VWA3B: variants seen among roughly 807,000 people sequenced by gnomAD.
VWA3B encodes the protein von Willebrand factor A domain containing 3B.
Under a neutral mutation model 158.3 loss-of-function variants are expected in VWA3B, and 138 were observed. That is an observed-to-expected ratio of 0.87 (90% confidence interval 0.76 to 1.00). The LOEUF is 1.00. Ranked by LOEUF, VWA3B falls within the 50% of genes least tolerant of loss-of-function variation. The probability of loss-of-function intolerance (pLI) is 0.00; values close to 1 mark genes in which losing one functional copy is unlikely to be tolerated. For missense variants in VWA3B, 1,555 were observed against 1,565.1 expected (o/e 0.99, Z 0.11); for synonymous variants, 596 against 587.3 (o/e 1.01, Z -0.21).
rs765546787 is a variant in VWA3B, at chr2:98,236,496, C to A, written c.2516+19C>A. 38 of 1,614,020 alleles carry A rather than the reference C, an allele frequency of 2.4e-5. No homozygotes were observed. The highest frequency in any genetic ancestry group is 3.1e-5 in the Non-Finnish European group (36 of 1,180,002). On this transcript the variant is annotated intron_variant, in intron 18 of 27. Coordinates refer to ENST00000477737, the MANE Select transcript of VWA3B (RefSeq NM_144992.5). ...ACCACGAGTGAGTTCTTTAATTTGA[C>A]AAAGACAGTTCTGTTATGCTTCTGT... is the stretch of plus-strand genomic sequence containing the variant.
chr2:98,230,992 A>G (rs763428726), intron 16 of VWA3B, among the ~76,000 whole-genome samples: 2 of 152,218 alleles, frequency 1.3e-5, no homozygotes, highest in Non-Finnish European at 2.9e-5. Context: ...ATTTTGATAT[A>G]CTAACAGTGA....
chr2:98,109,923 T>C (rs1417420396), intron 2 of VWA3B, among the ~76,000 whole-genome samples: 1 of 152,028 alleles, frequency 6.6e-6, no homozygotes, highest in African/African-American at 2.4e-5. Flanking sequence ...ATTTTTTTAT[T>C]TGTCTTTTGT....
In VWA3B at chr2:98,192,836, G is replaced by A. The variant is rs1574040917; in HGVS notation, c.1467-62G>A. On this transcript the variant is annotated intron_variant, in intron 10 of 27. Transcript: ENST00000477737. ...TCTGCAGATGCATCGTTAAGTTCTTGGGAAGATGCTCTTGTTGCCTGCAGG... is the reference window on the plus strand; with the variant it reads ...TCTGCAGATGCATCGTTAAGTTCTTAGGAAGATGCTCTTGTTGCCTGCAGG... 8 of 1,610,032 alleles carry A rather than the reference G, an allele frequency of 5.0e-6. No individual in the cohort carries two copies. In the East Asian group the frequency reaches 1.8e-4, roughly 36 times the overall value.
intron 12 of VWA3B, among the ~76,000 whole-genome samples, chr2:98,201,945 C>T (rs1682579173): frequency 6.6e-6 from 1 of 152,014 alleles, no homozygotes; most frequent in Non-Finnish European, 1.5e-5. Flanking sequence ...GTTTTTTTGT[C>T]TATATTCATG....
chr2:98,193,176 C>T, intron 11 of VWA3B, 140 bp downstream of exon 11: 1 of 1,143,000 alleles, frequency 8.7e-7, no homozygotes, highest in Non-Finnish European at 1.2e-6. Flanking sequence ...GTTAAAGAAT[C>T]ATCAGTTCTC....
chr2:98,246,009 T>C (rs1367047837), intron 19 of VWA3B, among the ~76,000 whole-genome samples: 2 of 152,202 alleles, frequency 1.3e-5, no homozygotes, highest in African/African-American at 4.8e-5. Context: ...AGTAGCAAGA[T>C]TGGACTGTTC....
At chr2:98,301,029 G>A (rs567507065) in intron 25 of VWA3B, among the ~76,000 whole-genome samples, 6 of 152,262 alleles carry the variant, frequency 3.9e-5, no homozygotes, top group Admixed American at 2.6e-4. Context: ...GGTGGCTCAC[G>A]CCTGTAATCC....
chr2:98,254,348 C>T (rs72817787), intron 20 of VWA3B, among the ~76,000 whole-genome samples: 1 of 152,258 alleles, frequency 6.6e-6, no homozygotes, highest in Non-Finnish European at 1.5e-5. Flanking sequence ...ACACTGCCTC[C>T]ACTCTCTACA....
chr2:98,307,905 C>G (rs1690626845), intron 26 of VWA3B, among the ~76,000 whole-genome samples: 1 of 152,128 alleles, frequency 6.6e-6, no homozygotes, highest in African/African-American at 2.4e-5. Context: ...CTCCATCTTC[C>G]CCCCAACCTC....
chr2:98,242,868 T>C (rs1438576438), intron 19 of VWA3B, among the ~76,000 whole-genome samples: 1 of 151,666 alleles, frequency 6.6e-6, no homozygotes, highest in Admixed American at 6.6e-5. Flanking sequence ...TGTCAAGTCA[T>C]GACATTTTGT....
chr2:98,223,913 A>G lies in VWA3B; in HGVS notation c.2020-4289A>G, dbSNP rs146466386. ...GCGTGGCTAATTTTTTTATTTGTAG[A>G]GATAGGGTCACACTATGTCGCCCAG... On this transcript the variant is annotated intron_variant, in intron 14 of 27. Transcript: ENST00000477737. Among the ~76,000 whole-genome samples the G allele has an allele frequency of 3.2e-3, 486 of 152,042 alleles. 3 individuals carry two copies. Among genetic ancestry groups the G allele is most frequent in the African/African-American group, 0.011 (468 of 41,466 alleles).
At chr2:98,274,625 A>C (rs1688411056) in intron 22 of VWA3B, among the ~76,000 whole-genome samples, 1 of 152,192 alleles carries the variant, frequency 6.6e-6, no homozygotes, top group Non-Finnish European at 1.5e-5. Flanking sequence ...GAGGTACCAG[A>C]AAACGAGGTA....
intron 8 of VWA3B, among the ~76,000 whole-genome samples, chr2:98,177,667 C>A (rs917030379): frequency 6.6e-6 from 1 of 151,814 alleles, no homozygotes; most frequent in Non-Finnish European, 1.5e-5. Context: ...GTGGCTCTGG[C>A]GGCTTGCCTG....
At chr2:98,144,345 T>G (rs1451744152) in intron 7 of VWA3B, among the ~76,000 whole-genome samples, 1 of 152,086 alleles carries the variant, frequency 6.6e-6, no homozygotes, top group Non-Finnish European at 1.5e-5. Context: ...AAAAACTAAG[T>G]CTTATTATCT....
chr2:98,178,442 A>G (rs1016899635), intron 8 of VWA3B, among the ~76,000 whole-genome samples: 1 of 152,220 alleles, frequency 6.6e-6, no homozygotes, highest in African/African-American at 2.4e-5. Flanking sequence ...TTTACACATT[A>G]TACAGAAGGA....
chr2:98,207,383 A>G (rs1025652428), intron 12 of VWA3B: 3 of 480,596 alleles, frequency 6.2e-6, no homozygotes, highest in East Asian at 5.2e-5. Flanking sequence ...ATTGTTGGCA[A>G]TGAGCATAAT....
intron 21 of VWA3B, among the ~76,000 whole-genome samples, chr2:98,268,613 G>A (rs1688005608): frequency 1.3e-5 from 2 of 148,906 alleles, no homozygotes; most frequent in African/African-American, 2.5e-5. Flanking sequence ...TTTTCTTTTA[G>A]CTCATTGAGC....
chr2:98,244,298 G>GAAAATGA (rs1217567220), intron 19 of VWA3B, among the ~76,000 whole-genome samples: 2 of 152,060 alleles, frequency 1.3e-5, no homozygotes, highest in Non-Finnish European at 2.9e-5. Context: ...TCATTTTCCT[G>GAAAATGA]TATCTCTTTG....
At chr2:98,218,967 ACT>A (rs2105609452) in intron 14 of VWA3B, among the ~76,000 whole-genome samples, 1 of 152,168 alleles carries the variant, frequency 6.6e-6, no homozygotes, top group South Asian at 2.1e-4. Context: ...GCAACCAAAC[ACT>A]CTGCTTCCAC....
Sources: gnomAD v4.1 joint callset for allele counts (sites outside exome capture counted in the v4.1 genomes callset) on GRCh38, gnomAD v4.1.1 for gene constraint, MANE v1.5 for transcripts, NCBI Gene and HGNC (gene_info 2026-07-23, HGNC 2026-07-21) for gene names.